ACYP2: variants seen among roughly 807,000 people sequenced by gnomAD.
ACYP2 encodes the protein acylphosphatase 2.
In ACYP2, 12 loss-of-function variants were observed where a neutral mutation model predicts 11.2. The ratio of observed to expected loss-of-function variants is 1.08; its 90% confidence interval spans 0.69 to 1.74. The LOEUF is 1.74. Ranked by LOEUF, ACYP2 falls within the 40% of genes most tolerant of loss-of-function variation. The pLI is 0.00. For synonymous variants in ACYP2, 43 were observed against 32.2 expected (o/e 1.33, Z -1.13); for missense variants, 134 against 101.9 (o/e 1.31, Z -1.35).
intron 2 of ACYP2, among the ~76,000 whole-genome samples, chr2:53,976,038 T>G (rs1192244528): frequency 6.6e-6 from 1 of 152,096 alleles, no homozygotes; most frequent in African/African-American, 2.4e-5. Context: ...AATCAAATAT[T>G]TATGTCTTTG....
At chr2:54,098,115 A>G (rs1678695662) in intron 4 of ACYP2, among the ~76,000 whole-genome samples, 1 of 151,690 alleles carries the variant, frequency 6.6e-6, no homozygotes, top group Admixed American at 6.6e-5. Flanking sequence ...GGCACGTGCT[A>G]TCATGACTGG....
chr2:54,074,838 G>A (rs1055141555), intron 4 of ACYP2, among the ~76,000 whole-genome samples: 1 of 152,074 alleles, frequency 6.6e-6, no homozygotes, highest in East Asian at 1.9e-4. Flanking sequence ...GGGAGGTCAG[G>A]CCTTCAAATG....
chr2:54,110,707 G>C (rs1161397751), intron 4 of ACYP2, among the ~76,000 whole-genome samples: 1 of 152,034 alleles, frequency 6.6e-6, no homozygotes, highest in Non-Finnish European at 1.5e-5. Flanking sequence ...AAATGCAGTA[G>C]GGAACTGTGG....
chr2:53,972,426 G>A (rs926828341), intron 1 of ACYP2, among the ~76,000 whole-genome samples: 35 of 151,322 alleles, frequency 2.3e-4, no homozygotes, highest in African/African-American at 7.5e-4. Context: ...CTAACATGGT[G>A]AAACCCCGTC....
intron 2 of ACYP2, among the ~76,000 whole-genome samples, chr2:53,992,233 T>A (rs1672337796): frequency 6.6e-6 from 1 of 151,926 alleles, no homozygotes; most frequent in Non-Finnish European, 1.5e-5. Context: ...CTTCCTTCCT[T>A]CTTTTCACCA....
chr2:54,078,533 C>T (rs1373882554), intron 4 of ACYP2, among the ~76,000 whole-genome samples: 2 of 151,282 alleles, frequency 1.3e-5, no homozygotes, highest in Admixed American at 6.6e-5. Context: ...TCATCTTGAA[C>T]AAATATTTAT....
chr2:54,214,045 C>T (rs955143674), intron 6 of ACYP2, among the ~76,000 whole-genome samples: 10 of 152,064 alleles, frequency 6.6e-5, no homozygotes, highest in African/African-American at 9.7e-5. Context: ...CAGGCATGAG[C>T]GCCCATGCCT....
At chr2:53,973,922 T>G (rs1007866671) in intron 2 of ACYP2, 4 of 163,346 alleles carry the variant, frequency 2.4e-5, no homozygotes, top group African/African-American at 7.8e-5. Context: ...TTTTTTTTTT[T>G]TTTTTTTTGA....
intron 2 of ACYP2, among the ~76,000 whole-genome samples, chr2:54,031,308 A>G (rs907263123): frequency 2.5e-5 from 3 of 121,352 alleles, no homozygotes; most frequent in African/African-American, 1.0e-4. Context: ...CTGGTGTGTA[A>G]TGTTCCCCAC....
intron 6 of ACYP2, chr2:54,254,224 T>C (rs1041186202): frequency 2.6e-5 from 4 of 152,290 alleles, no homozygotes; most frequent in African/African-American, 4.8e-5. Context: ...GAGAGGTCTT[T>C]TGGAAGAGGA....
At chr2:54,297,078 G>A (rs951169827) in intron 6 of ACYP2, among the ~76,000 whole-genome samples, 4 of 149,478 alleles carry the variant, frequency 2.7e-5, no homozygotes, top group Non-Finnish European at 5.9e-5. Flanking sequence ...GTGTATTGTG[G>A]TTGTGTTGGC....
chr2:54,237,541 G>C (rs1375834687), intron 6 of ACYP2, among the ~76,000 whole-genome samples: 1 of 151,946 alleles, frequency 6.6e-6, no homozygotes, highest in Non-Finnish European at 1.5e-5. Context: ...GAGAATTTTA[G>C]GTTTATAGCT....
chr2:54,213,232 C>T (rs1422654072), intron 6 of ACYP2, among the ~76,000 whole-genome samples: 1 of 152,092 alleles, frequency 6.6e-6, no homozygotes, highest in African/African-American at 2.4e-5. Context: ...AGCATAATGG[C>T]CTCCAGTTCT....
intron 2 of ACYP2, among the ~76,000 whole-genome samples, chr2:54,037,861 A>G (rs1674995019): frequency 6.6e-6 from 1 of 152,212 alleles, no homozygotes; most frequent in Non-Finnish European, 1.5e-5. Context: ...CAACATTATA[A>G]ATATCAATAA....
intron 6 of ACYP2, among the ~76,000 whole-genome samples, chr2:54,217,364 T>TTTTG (rs1337107932): frequency 1.3e-5 from 2 of 152,046 alleles, no homozygotes; most frequent in Middle Eastern, 3.2e-3. Flanking sequence ...GCTCTAGGTT[T>TTTTG]TTTGTTTGTT....
chr2:54,273,573 TC>T (rs1688410608), intron 6 of ACYP2, among the ~76,000 whole-genome samples: 1 of 152,164 alleles, frequency 6.6e-6, no homozygotes, highest in African/African-American at 2.4e-5. Context: ...CAAGCAATTC[TC>T]CTGCCTCAGC....
At chr2:54,042,229 C>G (rs1464689209) in intron 2 of ACYP2, among the ~76,000 whole-genome samples, 1 of 152,188 alleles carries the variant, frequency 6.6e-6, no homozygotes, top group Non-Finnish European at 1.5e-5. Context: ...TGGTCTCGAA[C>G]TCTCAACCTC....
chr2:53,992,254 A>G (rs1412329397), intron 2 of ACYP2, among the ~76,000 whole-genome samples: 1 of 151,460 alleles, frequency 6.6e-6, no homozygotes, highest in Non-Finnish European at 1.5e-5. Context: ...GTGTCATAGT[A>G]AGCACTTACT....
chr2:54,000,685 T>C (rs1324841127), intron 2 of ACYP2, among the ~76,000 whole-genome samples: 2 of 152,232 alleles, frequency 1.3e-5, no homozygotes, highest in Admixed American at 6.5e-5. Context: ...GTTTTTTTCA[T>C]GATAACCCCA....
Sources: gnomAD v4.1 joint callset for allele counts (sites outside exome capture counted in the v4.1 genomes callset) on GRCh38, gnomAD v4.1.1 for gene constraint, MANE v1.5 for transcripts, NCBI Gene and HGNC (gene_info 2026-07-23, HGNC 2026-07-21) for gene names.